HKDC1: variants seen among roughly 807,000 people sequenced by gnomAD.
HKDC1 encodes hexokinase domain containing 1.
HKDC1 carries 66 observed loss-of-function variants against 96.6 expected under a neutral mutation model. The ratio of observed to expected loss-of-function variants is 0.68; its 90% CI spans 0.56 to 0.84. The LOEUF (loss-of-function observed/expected upper bound fraction) is 0.84. Among genes scored for constraint, HKDC1 ranks in the 40% least tolerant of loss-of-function variants. The probability of loss-of-function intolerance (pLI) is 0.00; values close to 1 mark genes in which losing one functional copy is unlikely to be tolerated. For synonymous variants in HKDC1, 466 were observed against 473.1 expected (o/e 0.98, Z 0.20); for missense variants, 1,211 against 1,208.1 (o/e 1.00, Z -0.04).
At chr10:69,234,815 A>G (rs1265830914) in intron 4 of HKDC1, among the ~76,000 whole-genome samples, 1 of 152,260 alleles carries the variant, frequency 6.6e-6, no homozygotes, top group Non-Finnish European at 1.5e-5. Context: ...AATGTGTTGT[A>G]TTTAATAGGT....
chr10:69,246,369 G>A lies in HKDC1; in HGVS notation c.1031+135G>A, dbSNP rs953113529. On this transcript the variant is annotated intron_variant, in intron 8 of 17. Transcript: ENST00000354624. ...CAGGAAGATTTCAGACCTGGGCATGGCTTCAGATGGGTTAGCAATTTCTGC... is the reference window on the plus strand; with the variant it reads ...CAGGAAGATTTCAGACCTGGGCATGACTTCAGATGGGTTAGCAATTTCTGC... 13 of 935,708 alleles carry A rather than the reference G, an allele frequency of 1.4e-5. No homozygotes were observed. The Admixed American group carries it at 3.2e-4, about 23-fold the overall frequency. The allele number at this position is 935,708 out of a possible 1,614,324, so 58.0% of individuals were successfully genotyped here. A position where few individuals can be genotyped will look rare whatever the true frequency, so the allele number is the denominator to read the frequency against.
intron 16 of HKDC1, 169 bp from the exon 17 acceptor site, chr10:69,265,416 C>T: frequency 1.6e-6 from 1 of 635,176 alleles, no homozygotes. Context: ...GGTGGTGGAC[C>T]TTCTTGAGTC....
intron 8 of HKDC1, among the ~76,000 whole-genome samples, chr10:69,246,614 G>A (rs1480563586): frequency 6.6e-6 from 1 of 152,204 alleles, no homozygotes; most frequent in African/African-American, 2.4e-5. Context: ...GGGCATCCTT[G>A]GACACTAAGC....
chr10:69,237,652 CAG>C (rs1018122779), intron 4 of HKDC1, among the ~76,000 whole-genome samples: 2 of 152,192 alleles, frequency 1.3e-5, no homozygotes, highest in African/African-American at 4.8e-5. Context: ...TTCCCTGCAA[CAG>C]GGATTTTTGA....
intron 2 of HKDC1, among the ~76,000 whole-genome samples, chr10:69,230,150 G>A (rs1843229538): frequency 6.6e-6 from 1 of 152,298 alleles, no homozygotes; most frequent in African/African-American, 2.4e-5. Context: ...GGGCTGCAGT[G>A]GTCTGTTCTG....
intron 15 of HKDC1, among the ~76,000 whole-genome samples, chr10:69,260,125 G>A (rs1843783590): frequency 6.6e-6 from 1 of 152,186 alleles, no homozygotes; most frequent in Non-Finnish European, 1.5e-5. Context: ...ATTGTTATGG[G>A]TGCTATCCAA....
At position 69,227,237 on chromosome 10, in the gene HKDC1, T is replaced by G. The variant is rs1843173709; in HGVS notation, c.94T>G (p.Ser32Ala). Reference sequence around the variant, plus strand: ...CAGGTTCCTGTATCACATGCGGCTCTCCGATGACACCCTTTTGGACATCAT... The same window carrying G: ...CAGGTTCCTGTATCACATGCGGCTCGCCGATGACACCCTTTTGGACATCAT... ...VDRFLYHMRLSDDTLLDIMRR... is the reference protein window; with the variant it reads ...VDRFLYHMRLADDTLLDIMRR... Residue 32 changes from serine (S) to alanine (A), a missense_variant, in exon 2 of 18, where the codon TCC becomes GCC. Ser to Ala is a moderately conservative substitution (Grantham distance 99). Transcript: ENST00000354624. 6.2e-7 allele frequency: 1 copy of G among 1,614,030 alleles called. No individual in the cohort carries two copies. The highest frequency in any genetic ancestry group is 1.1e-5 in the South Asian group (1 of 91,088).
chr10:69,237,820 C>CGG (rs1843387211), intron 4 of HKDC1, among the ~76,000 whole-genome samples: 1 of 95,852 alleles, frequency 1.0e-5, no homozygotes, highest in Middle Eastern at 5.4e-3. Context: ...GACCTGCATT[C>CGG]GGCTTGGGCT....
chr10:69,229,390 C>A (rs4072136), intron 2 of HKDC1, among the ~76,000 whole-genome samples: 1 of 152,066 alleles, frequency 6.6e-6, no homozygotes, highest in Non-Finnish European at 1.5e-5. Flanking sequence ...CCTGGAAGGA[C>A]GTTGAGCTTC....
chr10:69,241,608 T>G (rs938832673), intron 6 of HKDC1, among the ~76,000 whole-genome samples: 1 of 152,122 alleles, frequency 6.6e-6, no homozygotes, highest in Non-Finnish European at 1.5e-5. Context: ...CTCAGCCTCC[T>G]GAGTAGCTGG....
intron 15 of HKDC1, 147 bp downstream of exon 15, chr10:69,259,106 T>C (rs1843767307): frequency 1.6e-6 from 1 of 640,084 alleles, no homozygotes. Flanking sequence ...AAAAGAAAAA[T>C]ATGATGACAA....
chr10:69,223,941 G>A lies in HKDC1; in HGVS notation c.64-3266G>A, dbSNP rs193064942. ...TTAAAATATTAGGCTGGATGAAGTG[G>A]CTCATGCCTGTAATCCCAGCACTTT... On this transcript the variant is annotated intron_variant, in intron 1 of 17. Coordinates refer to ENST00000354624, the MANE Select transcript of HKDC1 (RefSeq NM_025130.4). 4.3e-3 allele frequency among the ~76,000 whole-genome samples: 652 copies of A among 150,564 alleles called. 5 individuals are homozygous for A. The highest frequency in any genetic ancestry group is 0.015 in the African/African-American group (614 of 41,352).
At chr10:69,224,259 TTTTAG>T (rs1295826353) in intron 1 of HKDC1, among the ~76,000 whole-genome samples, 5 of 150,790 alleles carry the variant, frequency 3.3e-5, no homozygotes, top group Non-Finnish European at 7.4e-5. Context: ...CTTGGTAGAG[TTTTAG>T]TTTTATTTTT....
chr10:69,238,944 A>G (rs1047874987), intron 4 of HKDC1, 98 bp from the exon 5 acceptor site: 25 of 720,264 alleles, frequency 3.5e-5, no homozygotes, highest in African/African-American at 3.2e-4. Context: ...TAGAGAAGAG[A>G]AGGCCATGGG....
At chr10:69,241,629 G>A (rs897395580) in intron 6 of HKDC1, among the ~76,000 whole-genome samples, 1 of 152,064 alleles carries the variant, frequency 6.6e-6, no homozygotes, top group Admixed American at 6.6e-5. Context: ...GATTACAGGT[G>A]CCCACCACCA....
chr10:69,223,796 G>A (rs1448039263), intron 1 of HKDC1, among the ~76,000 whole-genome samples: 1 of 150,178 alleles, frequency 6.7e-6, no homozygotes, highest in African/African-American at 2.4e-5. Context: ...TGTTGGTCAG[G>A]CTGGTCTCGA....
At position 69,257,811 on chromosome 10, in the gene HKDC1, A is replaced by G. The variant is rs182170161; in HGVS notation, c.2032+385A>G. Among the ~76,000 whole-genome samples, 306 of 152,268 alleles carry G rather than the reference A, an allele frequency of 2.0e-3. 1 individual carries two copies. Among genetic ancestry groups the G allele is most frequent in the Admixed American group, 4.3e-3 (65 of 15,272 alleles). The stretch of plus-strand genomic sequence containing the variant: ...TGAATTCTTCTGGTTCTCAGGGTGC[A>G]CAGGAAGGAGAGGAGCTGGAAAGAA... On this transcript the variant is annotated intron_variant, in intron 14 of 17. Transcript: ENST00000354624.
intron 1 of HKDC1, among the ~76,000 whole-genome samples, chr10:69,226,214 A>G (rs779543234): frequency 6.6e-6 from 1 of 152,208 alleles, no homozygotes; most frequent in African/African-American, 2.4e-5. Context: ...AGTGATTTGT[A>G]TAACTTCCCT....
Position 69,261,041 on chromosome 10 carries a change from A to T in HKDC1, c.2217-98A>T, listed in dbSNP as rs951577062. 5.3e-5 allele frequency: 58 copies of T among 1,090,116 alleles called. No homozygotes were observed. The African/African-American group carries it at 8.7e-4, about 16-fold the overall frequency. The allele number at this position is 1,090,116 out of a possible 1,614,324, so 67.5% of individuals were successfully genotyped here. ...AGTATGTGGCAGAGCTAGGATCTGG[A>T]TCTTGCTCCATGCGTAGCTCCAAAG... On this transcript the variant is annotated intron_variant, in intron 15 of 17. Transcript: ENST00000354624.
Sources: gnomAD v4.1 joint callset for allele counts (sites outside exome capture counted in the v4.1 genomes callset) on GRCh38, gnomAD v4.1.1 for gene constraint, MANE v1.5 for transcripts, NCBI Gene and HGNC (gene_info 2026-07-23, HGNC 2026-07-21) for gene names.